The following THNSL1 variants were observed in gnomAD, a reference collection of about 807,000 sequenced individuals.
THNSL1 encodes the protein threonine synthase-like 1.
In THNSL1, 48 loss-of-function variants were observed where a neutral mutation model predicts 50.4. The ratio of observed to expected loss-of-function variants is 0.95; its 90% CI spans 0.76 to 1.21. The LOEUF (loss-of-function observed/expected upper bound fraction) is 1.21. Among genes scored for constraint, THNSL1 ranks in the 50% most tolerant of loss-of-function variants. The pLI is 0.00. For missense variants in THNSL1, 896 were observed against 871.7 expected (o/e 1.03, Z -0.35); for synonymous variants, 309 against 306.1 (o/e 1.01, Z -0.10).
the THNSL1 span, among the ~76,000 whole-genome samples, chr10:24,966,064 AC>A: frequency 6.6e-6 from 1 of 152,250 alleles, no homozygotes; most frequent in Non-Finnish European, 1.5e-5. Flanking sequence ...TTGGATATTG[AC>A]TCAATAGAGG....
the THNSL1 span, among the ~76,000 whole-genome samples, chr10:24,954,025 T>C: frequency 6.6e-6 from 1 of 152,168 alleles, no homozygotes; most frequent in Non-Finnish European, 1.5e-5. Flanking sequence ...CTCCTAGTAA[T>C]TGTGAGAGGG....
intron 1 of THNSL1, among the ~76,000 whole-genome samples, chr10:25,020,592 C>T (rs1850700388): frequency 6.6e-6 from 1 of 151,908 alleles, no homozygotes; most frequent in Admixed American, 6.6e-5. Flanking sequence ...CATGGTGAAA[C>T]CCTGTCTCTA....
At chr10:24,955,468 A>G in the THNSL1 span, among the ~76,000 whole-genome samples, 1 of 152,198 alleles carries the variant, frequency 6.6e-6, no homozygotes, top group African/African-American at 2.4e-5. Flanking sequence ...TCATCCATAA[A>G]ATGGAGCCAC....
the THNSL1 span, among the ~76,000 whole-genome samples, chr10:24,993,755 G>GT: frequency 6.6e-6 from 1 of 152,178 alleles, no homozygotes; most frequent in East Asian, 1.9e-4. Flanking sequence ...GTAAACTCTG[G>GT]TATTTTTCTG....
the THNSL1 span, chr10:24,952,668 G>A: frequency 7.4e-6 from 6 of 812,474 alleles, no homozygotes; most frequent in Admixed American, 1.3e-4. The surrounding 1 kb of genome is among the most constrained non-coding windows in gnomAD (Gnocchi z 5.1). Context: ...GGATGGGGAC[G>A]GGGACGGGGA....
At chr10:24,994,079 A>T in the THNSL1 span, among the ~76,000 whole-genome samples, 1 of 152,158 alleles carries the variant, frequency 6.6e-6, no homozygotes, top group Admixed American at 6.5e-5. Flanking sequence ...TAGATTCCTG[A>T]GAAGACAGTG....
chr10:25,000,025 C>G, the THNSL1 span, among the ~76,000 whole-genome samples: 1 of 151,834 alleles, frequency 6.6e-6, no homozygotes, highest in African/African-American at 2.4e-5. Flanking sequence ...TCTTTTTTTA[C>G]TTTCTTAAGA....
At chr10:24,984,881 C>A in the THNSL1 span, 1 of 1,612,834 alleles carries the variant, frequency 6.2e-7, no homozygotes, top group South Asian at 1.1e-5. Context: ...TCTTTATGCA[C>A]CTCTTCCCAG....
the THNSL1 span, among the ~76,000 whole-genome samples, chr10:24,973,338 G>C: frequency 1.3e-5 from 2 of 151,858 alleles, no homozygotes; most frequent in Non-Finnish European, 2.9e-5. Flanking sequence ...AGTGCTACTA[G>C]ATGGGCAGGG....
rs757180646 is a variant in THNSL1, at chr10:25,024,826, A to C, written c.1603A>C (p.Asn535His). 4.3e-6 allele frequency: 7 copies of C among 1,614,068 alleles called. No homozygotes were observed. In the East Asian group the frequency reaches 1.6e-4, roughly 36 times the overall value. ...GATTCGAAAATTTATCTGTGCCTCT[A>C]ATCAGAACCATGTTTTGACTGATTT... ...IPIRKFICAS[N>H]QNHVLTDFIK... Residue 535 changes from asparagine (N) to histidine (H), a missense_variant, in exon 3 of 3, where the codon AAT (asparagine) becomes CAT (histidine). Transcript: ENST00000376356.
chr10:24,997,747 G>C, the THNSL1 span, among the ~76,000 whole-genome samples: 1 of 151,192 alleles, frequency 6.6e-6, no homozygotes, highest in Non-Finnish European at 1.5e-5. Context: ...GTTTGCTTTT[G>C]CCTTACAATG....
the THNSL1 span, among the ~76,000 whole-genome samples, chr10:24,958,461 T>C: frequency 6.6e-6 from 1 of 152,366 alleles, no homozygotes; most frequent in East Asian, 1.9e-4. Context: ...AACTTTGAAG[T>C]AGTTTATTTT....
chr10:24,954,727 A>G, the THNSL1 span, among the ~76,000 whole-genome samples: 2 of 152,188 alleles, frequency 1.3e-5, no homozygotes, highest in African/African-American at 4.8e-5. Context: ...TTAAAAATCT[A>G]ATTCATTTTA....
At chr10:24,965,040 G>A in the THNSL1 span, among the ~76,000 whole-genome samples, 106 of 148,760 alleles carry the variant, frequency 7.1e-4, no homozygotes, top group African/African-American at 2.4e-3. Flanking sequence ...CAGCCTGGAC[G>A]ACAGAGCGAA....
the THNSL1 span, among the ~76,000 whole-genome samples, chr10:24,996,369 C>T: frequency 2.6e-5 from 4 of 151,954 alleles, no homozygotes; most frequent in Non-Finnish European, 2.9e-5. Flanking sequence ...TTGCAGTGAA[C>T]CGAGATCATG....
chr10:25,016,022 CCT>C, upstream of THNSL1: 1 of 1,521,640 alleles, frequency 6.6e-7, no homozygotes, highest in Non-Finnish European at 8.8e-7. Flanking sequence ...CACTGCTTCC[CCT>C]TTCTTTCTTC....
chr10:24,984,609 A>G, the THNSL1 span: 4 of 1,091,522 alleles, frequency 3.7e-6, no homozygotes, highest in Non-Finnish European at 3.8e-6. Flanking sequence ...TTGCCTAAGC[A>G]TTCTGATTAA....
upstream of THNSL1, among the ~76,000 whole-genome samples, chr10:25,014,978 A>G (rs779307759): frequency 2.0e-5 from 3 of 152,236 alleles, no homozygotes; most frequent in Non-Finnish European, 2.9e-5. Context: ...AAAGTTCACA[A>G]AGACAATTAA....
At chr10:24,993,263 T>C in the THNSL1 span, among the ~76,000 whole-genome samples, 1 of 152,210 alleles carries the variant, frequency 6.6e-6, no homozygotes, top group East Asian at 1.9e-4. Flanking sequence ...GGCTAATGCA[T>C]ACTGTTAATA....
Sources: gnomAD v4.1 joint callset for allele counts (sites outside exome capture counted in the v4.1 genomes callset) on GRCh38, gnomAD v4.1.1 for gene constraint, Gnocchi (gnomAD v3.1) non-coding constraint, MANE v1.5 for transcripts, NCBI Gene and HGNC (gene_info 2026-07-23, HGNC 2026-07-21) for gene names.